Variants in CHRM3 observed in about 807,000 individuals in gnomAD.
CHRM3 encodes the protein cholinergic receptor muscarinic 3.
CHRM3 carries 11 observed loss-of-function variants against 41.8 expected under a neutral mutation model. The ratio of observed to expected loss-of-function variants is 0.26; its 90% CI spans 0.17 to 0.44. The LOEUF is 0.44. CHRM3 is among the 20% of genes least tolerant of loss of function. CHRM3 has a pLI of 1.00. For missense variants in CHRM3, 571 were observed against 745.4 expected, an observed-to-expected ratio of 0.77 and a Z score of 2.72; for synonymous variants, 297 against 301.4, an observed-to-expected ratio of 0.99 and a Z score of 0.15.
In CHRM3 at chr1:239,652,733, A is replaced by G. The variant is rs142038756; in HGVS notation, c.-250+20447A>G. On this transcript the variant is annotated intron_variant, in intron 4 of 6. Coordinates refer to ENST00000676153, the MANE Select transcript of CHRM3 (RefSeq NM_001375978.1). Reference sequence around the variant, plus strand: ...CCACTGCTAAATGTTACTTCTACTTATATTACTATGGATAAGTCCCTTAAC... The same window carrying G: ...CCACTGCTAAATGTTACTTCTACTTGTATTACTATGGATAAGTCCCTTAAC... Among the ~76,000 whole-genome samples the G allele has an allele frequency of 3.0e-3, 451 of 152,130 alleles. 4 individuals are homozygous for G. Among genetic ancestry groups the G allele is most frequent in the Middle Eastern group, 0.01 (3 of 294 alleles).
rs550999672 is a variant in CHRM3 at position 239,713,680 on chromosome 1, C to T, written c.-147+35392C>T. ...CAGAGAATTTTGCATTTCCCTATAT[C>T]ATACTGTTATGTCAGCCACAGCTGG... On this transcript the variant is annotated intron_variant, in intron 5 of 6. Transcript: ENST00000676153. 3.3e-5 allele frequency among the ~76,000 whole-genome samples: 5 copies of T among 152,266 alleles called. No individual in the cohort carries two copies. In the South Asian group the frequency reaches 8.3e-4, roughly 25 times the overall value.
intron 1 of CHRM3, among the ~76,000 whole-genome samples, chr1:239,488,443 G>A (rs971779192): frequency 2.0e-5 from 3 of 151,800 alleles, no homozygotes; most frequent in Non-Finnish European, 4.4e-5. Context: ...GGCCAGGCGC[G>A]GGTGGCACAG....
chr1:239,581,519 T>A (rs552417894), intron 3 of CHRM3, among the ~76,000 whole-genome samples: 22 of 152,224 alleles, frequency 1.4e-4, no homozygotes, highest in African/African-American at 5.1e-4. Flanking sequence ...ACATCTATTA[T>A]GAAGGACCCA....
Position 239,503,443 on chromosome 1 carries a change from A to G in CHRM3, c.-422+10636A>G, listed in dbSNP as rs1572525557. Among the ~76,000 whole-genome samples the G allele has an allele frequency of 6.6e-5, 10 of 152,334 alleles. No individual in the cohort carries two copies. In the South Asian group the frequency reaches 2.1e-3, roughly 32 times the overall value. On this transcript the variant is annotated intron_variant, in intron 2 of 6. Coordinates refer to ENST00000676153, the MANE Select transcript of CHRM3 (RefSeq NM_001375978.1). ...ACAAATGGAAACACATTCCATGCTT[A>G]TGGATGGCTGGAATCAATATTGTGA...
intron 1 of CHRM3, among the ~76,000 whole-genome samples, chr1:239,397,775 A>G (rs1659622229): frequency 6.7e-6 from 1 of 148,488 alleles, no homozygotes; most frequent in South Asian, 2.1e-4. Context: ...ATATATAGAA[A>G]ATGTTGTAAA....
intron 3 of CHRM3, among the ~76,000 whole-genome samples, chr1:239,557,400 T>G (rs1660464224): frequency 6.6e-6 from 1 of 152,188 alleles, no homozygotes. Flanking sequence ...CATTGGAGAC[T>G]ACTCTAACAC....
chr1:239,839,801 G>GT (rs1278619212), intron 6 of CHRM3, among the ~76,000 whole-genome samples: 3 of 128,198 alleles, frequency 2.3e-5, no homozygotes, highest in Admixed American at 1.5e-4. Context: ...GTGGCGGGGC[G>GT]GGGGGGGAGC....
At chr1:239,807,380 C>T (rs1285294149) in intron 5 of CHRM3, among the ~76,000 whole-genome samples, 1 of 152,118 alleles carries the variant, frequency 6.6e-6, no homozygotes, top group Non-Finnish European at 1.5e-5. Context: ...TTAAAATTGA[C>T]CTACCATTTA....
chr1:239,507,456 C>T (rs1668649374), intron 2 of CHRM3, among the ~76,000 whole-genome samples: 1 of 152,202 alleles, frequency 6.6e-6, no homozygotes, highest in Non-Finnish European at 1.5e-5. Flanking sequence ...GTGAGTCCTC[C>T]ATCCCCACCC....
intron 2 of CHRM3, among the ~76,000 whole-genome samples, chr1:239,496,528 TG>T (rs1558266919): frequency 6.6e-6 from 1 of 151,428 alleles, no homozygotes; most frequent in African/African-American, 2.4e-5. Context: ...TGTGTGTGTG[TG>T]TGTGTGTGTG....
chr1:239,891,168 T>C (rs1301992002), intron 6 of CHRM3, among the ~76,000 whole-genome samples: 1 of 152,136 alleles, frequency 6.6e-6, no homozygotes, highest in Non-Finnish European at 1.5e-5. Context: ...ACATCTGAAC[T>C]TATCAGGGCA....
At chr1:239,889,086 T>C (rs541248349) in intron 6 of CHRM3, among the ~76,000 whole-genome samples, 1 of 152,236 alleles carries the variant, frequency 6.6e-6, no homozygotes, top group Non-Finnish European at 1.5e-5. Context: ...AGTGGAAGTT[T>C]AACAGGCGTA....
intron 6 of CHRM3, among the ~76,000 whole-genome samples, chr1:239,866,439 G>C (rs1348676104): frequency 2.6e-5 from 4 of 152,004 alleles, no homozygotes; most frequent in African/African-American, 9.7e-5. Context: ...ACTACAGCCA[G>C]TAAGAGGTGG....
At chr1:239,594,587 G>A (rs1303252049) in intron 3 of CHRM3, among the ~76,000 whole-genome samples, 1 of 152,132 alleles carries the variant, frequency 6.6e-6, no homozygotes, top group Admixed American at 6.5e-5. Flanking sequence ...AACTTTTGAG[G>A]TGTTTTGAGA....
At chr1:239,762,173 C>G (rs1417169299) in intron 5 of CHRM3, among the ~76,000 whole-genome samples, 1 of 152,178 alleles carries the variant, frequency 6.6e-6, no homozygotes, top group Non-Finnish European at 1.5e-5. Context: ...GAGCAGAAAT[C>G]TAGCTTACCC....
At chr1:239,488,260 ACTC>A (rs1428584060) in intron 1 of CHRM3, among the ~76,000 whole-genome samples, 1 of 152,054 alleles carries the variant, frequency 6.6e-6, no homozygotes, top group Non-Finnish European at 1.5e-5. Flanking sequence ...ATAACCGTTA[ACTC>A]CTCCTAAAAG....
chr1:239,667,441 C>T (rs914778618), intron 4 of CHRM3, among the ~76,000 whole-genome samples: 1 of 152,142 alleles, frequency 6.6e-6, no homozygotes, highest in Non-Finnish European at 1.5e-5. Flanking sequence ...TCATATGCAC[C>T]ATTACAAGGC....
At chr1:239,409,380 G>A (rs776036674) in intron 1 of CHRM3, among the ~76,000 whole-genome samples, 5 of 152,172 alleles carry the variant, frequency 3.3e-5, no homozygotes, top group Non-Finnish European at 5.9e-5. Context: ...TTGTGTAGAA[G>A]ATACTCACTG....
chr1:239,449,569 C>T (rs750691226), intron 1 of CHRM3, among the ~76,000 whole-genome samples: 7 of 151,826 alleles, frequency 4.6e-5, no homozygotes, highest in Non-Finnish European at 8.8e-5. Context: ...TGATTTGGAC[C>T]GAAAGTAAAA....
Sources: gnomAD v4.1 joint callset for allele counts (sites outside exome capture counted in the v4.1 genomes callset) on GRCh38, gnomAD v4.1.1 for gene constraint, MANE v1.5 for transcripts, NCBI Gene and HGNC (gene_info 2026-07-23, HGNC 2026-07-21) for gene names.